Variants in GNE observed in about 807,000 individuals in gnomAD.
GNE encodes the protein glucosamine (UDP-N-acetyl)-2-epimerase/N-acetylmannosamine kinase, also known as bifunctional UDP-N-acetylglucosamine 2-epimerase/N-acetylmannosamine kinase.
Under a neutral mutation model 61.8 loss-of-function variants are expected in GNE, and 41 were observed. The observed-to-expected ratio is 0.66, with a 90% CI of 0.52 to 0.86. The LOEUF (loss-of-function observed/expected upper bound fraction) is 0.86. Ranked by LOEUF, GNE falls within the 40% of genes least tolerant of loss-of-function variation. The probability of loss-of-function intolerance (pLI) is 0.00; values close to 1 mark genes in which losing one functional copy is unlikely to be tolerated. For missense variants in GNE, 608 were observed against 909.1 expected (o/e 0.67, Z 4.26); for synonymous variants, 264 against 326.4 (o/e 0.81, Z 2.06).
At chr9:36,238,123 TACACACAC>T (rs201513947) in intron 3 of GNE, among the ~76,000 whole-genome samples, 52 of 129,094 alleles carry the variant, frequency 4.0e-4, no homozygotes, top group Admixed American at 3.5e-3. Flanking sequence ...TATATATAGA[TACACACAC>T]ACACACACAC....
chr9:36,221,835 G>C (rs954391718), intron 9 of GNE, among the ~76,000 whole-genome samples: 2 of 152,030 alleles, frequency 1.3e-5, no homozygotes, highest in African/African-American at 4.8e-5. Flanking sequence ...AAAACCAGCT[G>C]AATCTTGATA....
Position 36,217,400 on chromosome 9 carries a change from T to C in GNE, c.2134A>G (p.Met712Val). ...VDPALLGAAS[M>V]VLDYTTRRIY ...CTGCGTGTTGTGTAGTCCAGAACCA[T>C]GCTGGCAGCACCCAGCAGGGCGGGG... Residue 712 changes from methionine to valine, a missense_variant, in exon 12 of 12, where the codon ATG becomes GTG. Physicochemically the swap from Met to Val is conservative, Grantham distance 21. Transcript: ENST00000642385. The C allele has an allele frequency of 6.2e-7, 1 of 1,614,042 alleles. No homozygotes were observed. The highest frequency in any genetic ancestry group is 1.1e-5 in the South Asian group (1 of 91,074).
upstream of GNE, among the ~76,000 whole-genome samples, chr9:36,258,673 C>T (rs983851716): frequency 5.3e-5 from 8 of 152,240 alleles, no homozygotes; most frequent in African/African-American, 1.9e-4. Context: ...GCGGGGCTGT[C>T]CTGCCAGCTT....
At chr9:36,225,979 A>G (rs1382164034) in intron 7 of GNE, among the ~76,000 whole-genome samples, 2 of 152,248 alleles carry the variant, frequency 1.3e-5, no homozygotes, top group South Asian at 2.1e-4. Context: ...TACCCTATCA[A>G]TAATCTCCAT....
Position 36,229,068 on chromosome 9 carries a change from G to T in GNE, c.1023C>A (p.Asp341Glu), listed in dbSNP as rs768446059. ...VLHVRDADTQDKILQALHLQF... is the reference protein window; with the variant it reads ...VLHVRDADTQEKILQALHLQF... ...GAAGGTGCAGTGCTTGCAATATTTT[G>T]TCTTGGGTGTCAGCATCCCGGACAT... is the stretch of plus-strand genomic sequence containing the variant. Residue 341 changes from aspartate to glutamate, a missense_variant, in exon 6 of 12, where the codon GAC (aspartate) becomes GAA (glutamate). Physicochemically the swap from Asp to Glu is conservative, Grantham distance 45. Transcript: ENST00000642385. The T allele has an allele frequency of 2.5e-6, 4 of 1,611,124 alleles. No homozygotes were observed. The highest frequency in any genetic ancestry group is 3.4e-6 in the Non-Finnish European group (4 of 1,177,460).
chr9:36,251,803 G>T (rs1830114761), intron 1 of GNE, among the ~76,000 whole-genome samples: 1 of 151,924 alleles, frequency 6.6e-6, no homozygotes, highest in Non-Finnish European at 1.5e-5. Context: ...CTCTGCTGTT[G>T]GTACCTCAAC....
chr9:36,271,702 T>A (rs1809061982), intron 1 of GNE, among the ~76,000 whole-genome samples: 1 of 152,222 alleles, frequency 6.6e-6, no homozygotes, highest in Admixed American at 6.5e-5. Flanking sequence ...ATACTTATGA[T>A]GAATTACCTG....
intron 1 of GNE, among the ~76,000 whole-genome samples, chr9:36,266,825 G>T (rs1024847291): frequency 1.3e-5 from 2 of 151,928 alleles, no homozygotes; most frequent in Non-Finnish European, 1.5e-5. Context: ...AGGAGAATGG[G>T]GTGAACCCGG....
In GNE at chr9:36,218,174, C is replaced by T; in HGVS notation, c.1933+9G>A. On this transcript the variant is annotated intron_variant, in intron 11 of 11. Coordinates refer to ENST00000642385, the MANE Select transcript of GNE (RefSeq NM_005476.7). The surrounding 1 kb of genome is among the most constrained non-coding windows in gnomAD (Gnocchi z 4.1). ...CCTGCAGCACAGCCACCTGCAGCCA[C>T]ATGCTCACCTGTTCTTAGGATGCTC... 1 of 1,592,248 alleles carries T rather than the reference C, an allele frequency of 6.3e-7. No homozygotes were observed. The highest frequency in any genetic ancestry group is 1.1e-5 in the South Asian group (1 of 90,662).
At chr9:36,275,229 T>C (rs901747139) in intron 1 of GNE, among the ~76,000 whole-genome samples, 4 of 152,194 alleles carry the variant, frequency 2.6e-5, no homozygotes, top group Non-Finnish European at 5.9e-5. Context: ...TGAATCGTAT[T>C]ATCACCTACT....
Position 36,243,168 on chromosome 9 carries a change from C to T in GNE, c.616+2863G>A, listed in dbSNP as rs547665948. On this transcript the variant is annotated intron_variant, in intron 3 of 11. Transcript: ENST00000642385. ...CAAGCAATCCTCCCACTTCAGCCTC[C>T]GGAGTAGCTGGGACTACAGGCACAC... Among the ~76,000 whole-genome samples, 17 of 152,256 alleles carry T rather than the reference C, an allele frequency of 1.1e-4. No homozygotes were observed. The South Asian group carries it at 2.3e-3, about 20-fold the overall frequency.
intron 3 of GNE, among the ~76,000 whole-genome samples, chr9:36,238,123 TACACAC>T (rs201513947): frequency 7.8e-5 from 10 of 128,986 alleles, no homozygotes; most frequent in South Asian, 4.8e-4. Context: ...TATATATAGA[TACACAC>T]ACACACACAC....
intron 9 of GNE, 114 bp downstream of exon 9, chr9:36,222,663 T>C: frequency 1.2e-6 from 1 of 821,408 alleles, no homozygotes; most frequent in South Asian, 1.3e-5. Flanking sequence ...ACCTTCAGGC[T>C]CTAGTCATGC....
At chr9:36,252,375 ATTTGAGCTGAAAAAATTGTTGGTAATATT>A (rs1830141015) in intron 1 of GNE, among the ~76,000 whole-genome samples, 1 of 152,208 alleles carries the variant, frequency 6.6e-6, no homozygotes, top group South Asian at 2.1e-4. Flanking sequence ...CAGTGATCAA[ATTTGAGCTGAAAAAATTGTTGGTAATATT>A]TAATTTGCTG....
At chr9:36,240,014 T>C (rs1040877397) in intron 3 of GNE, among the ~76,000 whole-genome samples, 2 of 152,172 alleles carry the variant, frequency 1.3e-5, no homozygotes, top group Non-Finnish European at 2.9e-5. Context: ...ACATTAATCT[T>C]GTATCCAGAA....
chr9:36,257,802 C>CAAAAAAAAAA lies in GNE; in HGVS notation c.-43+509_-43+518dup, dbSNP rs60845805. Among the ~76,000 whole-genome samples the CAAAAAAAAAA allele has an allele frequency of 1.5e-3, 39 of 25,246 alleles. 3 individuals are homozygous for CAAAAAAAAAA. The highest frequency in any genetic ancestry group is 4.5e-3 in the African/African-American group (35 of 7,820). The allele number at this position is 25,246 out of a possible 152,430, so 16.6% of individuals were successfully genotyped here. Reference sequence around the variant, plus strand: ...TGGGCGACAGAGCGAGACTCAGTCTCAAAAAAAAAAAAAAAAAAAAAAAAA... The same window carrying CAAAAAAAAAA: ...TGGGCGACAGAGCGAGACTCAGTCTCAAAAAAAAAAAAAAAAAAAAAAAAAAAAAAAAAAA... On this transcript the variant is annotated intron_variant, in intron 1 of 11. Transcript: ENST00000642385.
chr9:36,261,919 T>G (rs1489379475), upstream of GNE, among the ~76,000 whole-genome samples: 2 of 69,046 alleles, frequency 2.9e-5, no homozygotes, highest in Non-Finnish European at 6.2e-5. Context: ...CGAGACTCAA[T>G]CTCAAAAAAA....
Position 36,234,150 on chromosome 9 carries a change from ACC to A in GNE, c.770-20_770-19del. The stretch of plus-strand genomic sequence containing the variant: ...TTTGCTCCCTATGAAAATGAAAAGA[ACC>A]AATTGGTAAATGGTTTGTGAGATAA... On this transcript the variant is annotated intron_variant, in intron 4 of 11. Coordinates refer to ENST00000642385, the MANE Select transcript of GNE (RefSeq NM_005476.7). 1 of 1,582,420 alleles carries A rather than the reference ACC, an allele frequency of 6.3e-7. No individual in the cohort carries two copies.
chr9:36,233,985 C>A lies in GNE; in HGVS notation c.917G>T (p.Arg306Leu). 2 of 1,614,204 alleles carry A rather than the reference C, an allele frequency of 1.2e-6. No homozygotes were observed. The highest frequency in any genetic ancestry group is 8.5e-7 in the Non-Finnish European group (1 of 1,180,026). ...CMIGNSSCGV[R>L]EVGAFGTPVI... ...AGGTGTTCCAAAAGCTCCAACTTCT[C>A]GAACCCCACAGCTGCTGTTCCCAAT... The change falls in exon 5 of 12, where the codon CGA becomes CTA. Residue 306 changes from arginine (R) to leucine (L), a missense_variant. Physicochemically the swap from Arg to Leu is moderately radical, Grantham distance 102. Transcript: ENST00000642385.
Sources: gnomAD v4.1 joint callset for allele counts (sites outside exome capture counted in the v4.1 genomes callset) on GRCh38, gnomAD v4.1.1 for gene constraint, Gnocchi (gnomAD v3.1) non-coding constraint, MANE v1.5 for transcripts, NCBI Gene and HGNC (gene_info 2026-07-23, HGNC 2026-07-21) for gene names.